Variants in ANO2 observed in about 807,000 individuals in gnomAD.
ANO2 encodes the protein anoctamin 2.
ANO2 carries 101 observed loss-of-function variants against 124.2 expected under a neutral mutation model. The ratio of observed to expected loss-of-function variants is 0.81; its 90% confidence interval spans 0.69 to 0.96. The LOEUF is 0.96. Ranked by LOEUF, ANO2 falls within the 40% of genes least tolerant of loss-of-function variation. The pLI, the probability that ANO2 is intolerant of heterozygous loss-of-function variation, is 0.00. For missense variants in ANO2, 1,293 were observed against 1,274.5 expected (o/e 1.01, Z -0.22); for synonymous variants, 486 against 482.5 (o/e 1.01, Z -0.09).
At chr12:5,630,907 G>T (rs902988087) in intron 16 of ANO2, among the ~76,000 whole-genome samples, 3 of 152,306 alleles carry the variant, frequency 2.0e-5, no homozygotes, top group African/African-American at 7.2e-5. Context: ...TCTGTGAGCA[G>T]ATGGGATGAA....
intron 14 of ANO2, among the ~76,000 whole-genome samples, chr12:5,670,945 T>G (rs2136987057): frequency 6.6e-6 from 1 of 152,206 alleles, no homozygotes; most frequent in East Asian, 1.9e-4. Context: ...AAGCCTGAGG[T>G]TTCCACAGAA....
intron 14 of ANO2, among the ~76,000 whole-genome samples, chr12:5,730,921 A>G (rs1950605939): frequency 6.6e-6 from 1 of 152,232 alleles, no homozygotes; most frequent in Non-Finnish European, 1.5e-5. Context: ...AAACATAAAC[A>G]TATGTATCAT....
rs967428748 is a variant in ANO2, at chr12:5,636,918, G to A, written c.1621-1571C>T. On this transcript the variant is annotated intron_variant, in intron 15 of 24. Coordinates refer to ENST00000682330, the MANE Select transcript of ANO2 (RefSeq NM_001364791.2). The surrounding 1 kb of genome is among the most constrained non-coding windows in gnomAD (Gnocchi z 4.6). The stretch of plus-strand genomic sequence containing the variant: ...AATACCAGTAATTGCCCTATGGGCC[G>A]TGTTGTGAAAAAGAAGCCCTTGGTA... Among the ~76,000 whole-genome samples, 4 of 152,118 alleles carry A rather than the reference G, an allele frequency of 2.6e-5. No individual in the cohort carries two copies. The highest frequency in any genetic ancestry group is 3.9e-4 in the East Asian group (2 of 5,180).
At chr12:5,793,952 G>T (rs1952772155) in intron 10 of ANO2, among the ~76,000 whole-genome samples, 1 of 152,192 alleles carries the variant, frequency 6.6e-6, no homozygotes, top group African/African-American at 2.4e-5. Flanking sequence ...GGAGACTGGG[G>T]CAGAGCCTTT....
chr12:5,741,553 C>T (rs1032408790), intron 12 of ANO2, among the ~76,000 whole-genome samples: 4 of 152,078 alleles, frequency 2.6e-5, no homozygotes, highest in Admixed American at 6.5e-5. Flanking sequence ...GAGTGCTGAC[C>T]GACTGGTGTC....
At chr12:5,629,764 A>G (rs1225649016) in intron 16 of ANO2, among the ~76,000 whole-genome samples, 3 of 151,894 alleles carry the variant, frequency 2.0e-5, no homozygotes, top group South Asian at 4.2e-4. Flanking sequence ...CTGGCAACAC[A>G]CTCTGTACAC....
chr12:5,641,339 A>C (rs112991485), intron 15 of ANO2, among the ~76,000 whole-genome samples: 1 of 152,220 alleles, frequency 6.6e-6, no homozygotes, highest in African/African-American at 2.4e-5. Context: ...AAACCTGCAC[A>C]TTGTGCACAT....
intron 1 of ANO2, among the ~76,000 whole-genome samples, chr12:5,934,299 G>T (rs547301140): frequency 6.6e-6 from 1 of 152,288 alleles, no homozygotes; most frequent in South Asian, 2.1e-4. Flanking sequence ...TGTGCAAAAG[G>T]AAGATAAATG....
At chr12:5,687,750 C>T (rs866585260) in intron 14 of ANO2, among the ~76,000 whole-genome samples, 4 of 152,216 alleles carry the variant, frequency 2.6e-5, no homozygotes, top group Admixed American at 6.5e-5. Context: ...TCCTCTCATT[C>T]CCTCTGAGGC....
intron 4 of ANO2, among the ~76,000 whole-genome samples, chr12:5,852,889 G>GTA (rs1422676907): frequency 6.7e-6 from 1 of 149,856 alleles, no homozygotes; most frequent in Admixed American, 6.7e-5. Flanking sequence ...GTGTGTGTGT[G>GTA]TGGTGTATAT....
chr12:5,934,193 A>G (rs1234550374), intron 1 of ANO2, among the ~76,000 whole-genome samples: 1 of 152,196 alleles, frequency 6.6e-6, no homozygotes, highest in Non-Finnish European at 1.5e-5. Flanking sequence ...TGTTGTCACC[A>G]TTTTACTGAT....
At chr12:5,859,362 CA>C (rs72320376) in intron 3 of ANO2, among the ~76,000 whole-genome samples, 2,642 of 152,210 alleles carry the variant, frequency 0.017, 68 homozygotes, top group African/African-American at 0.056. Context: ...TGAAATGTCT[CA>C]AAAAAACTAT....
chr12:5,771,540 G>A (rs1043981020), intron 10 of ANO2, among the ~76,000 whole-genome samples: 1 of 152,098 alleles, frequency 6.6e-6, no homozygotes, highest in Non-Finnish European at 1.5e-5. Context: ...AGCACTTTGG[G>A]AGGCCAAGGC....
intron 10 of ANO2, among the ~76,000 whole-genome samples, chr12:5,777,174 A>G (rs1952257238): frequency 6.6e-6 from 1 of 152,210 alleles, no homozygotes; most frequent in African/African-American, 2.4e-5. Flanking sequence ...ACAGACAAGA[A>G]GTTTACAGGG....
chr12:5,824,106 G>C (rs553200854), intron 7 of ANO2, among the ~76,000 whole-genome samples: 1 of 152,320 alleles, frequency 6.6e-6, no homozygotes, highest in Admixed American at 6.5e-5. Context: ...CTGGGTCTGT[G>C]ATGGGAGAAG....
chr12:5,834,214 A>G (rs570048230), intron 4 of ANO2, among the ~76,000 whole-genome samples: 1 of 152,358 alleles, frequency 6.6e-6, no homozygotes, highest in South Asian at 2.1e-4. Context: ...CTGTTGCTTT[A>G]GGCTACTAAG....
intron 10 of ANO2, among the ~76,000 whole-genome samples, chr12:5,758,381 G>T (rs902957754): frequency 6.6e-6 from 1 of 152,188 alleles, no homozygotes; most frequent in African/African-American, 2.4e-5. Context: ...CACAGAGCCT[G>T]CCTAAGACTG....
In ANO2 at chr12:5,583,419, C is replaced by T. The variant is rs573460106; in HGVS notation, c.2234-4901G>A. Among the ~76,000 whole-genome samples, 474 of 151,938 alleles carry T rather than the reference C, an allele frequency of 3.1e-3. 1 individual carries two copies. Among genetic ancestry groups the T allele is most frequent in the Non-Finnish European group, 4.9e-3 (332 of 67,946 alleles). ...CTGTAATCCCAGCACTTTGGGAGGC[C>T]GAGGCGGGCGGATCACAAGGTCAGG... On this transcript the variant is annotated intron_variant, in intron 20 of 24. Coordinates refer to ENST00000682330, the MANE Select transcript of ANO2 (RefSeq NM_001364791.2).
intron 13 of ANO2, among the ~76,000 whole-genome samples, chr12:5,736,005 T>A (rs1304323329): frequency 1.3e-5 from 2 of 152,232 alleles, no homozygotes; most frequent in East Asian, 3.9e-4. Flanking sequence ...CAGAAGGTAA[T>A]GGGCAAGAGT....
Sources: gnomAD v4.1 joint callset for allele counts (sites outside exome capture counted in the v4.1 genomes callset) on GRCh38, gnomAD v4.1.1 for gene constraint, Gnocchi (gnomAD v3.1) non-coding constraint, MANE v1.5 for transcripts, NCBI Gene and HGNC (gene_info 2026-07-23, HGNC 2026-07-21) for gene names.